ASAP2: variants seen among roughly 807,000 people sequenced by gnomAD.
The protein encoded by ASAP2 is ArfGAP with SH3 domain, ankyrin repeat and PH domain 2.
Under a neutral mutation model 131.4 loss-of-function variants are expected in ASAP2, and 45 were observed. That is an observed-to-expected ratio of 0.34 (90% confidence interval 0.27 to 0.44). The LOEUF (loss-of-function observed/expected upper bound fraction) is 0.44. Among genes scored for constraint, ASAP2 ranks in the 20% least tolerant of loss-of-function variants. ASAP2 has a pLI of 1.00. For missense variants in ASAP2, 1,011 were observed against 1,297.0 expected (o/e 0.78, Z 3.39); for synonymous variants, 510 against 503.0 (o/e 1.01, Z -0.19).
At chr2:9,294,747 A>G (rs992740752) in intron 2 of ASAP2, among the ~76,000 whole-genome samples, 1 of 152,174 alleles carries the variant, frequency 6.6e-6, no homozygotes, top group African/African-American at 2.4e-5. Context: ...GAGGCTGCAT[A>G]GAGTCTTCAG....
chr2:9,220,171 G>A (rs990109872), intron 1 of ASAP2, among the ~76,000 whole-genome samples: 22 of 152,112 alleles, frequency 1.4e-4, no homozygotes, highest in African/African-American at 4.6e-4. Flanking sequence ...GAATATTCTT[G>A]TATAAATTTT....
At chr2:9,294,981 A>G (rs545531812) in intron 2 of ASAP2, among the ~76,000 whole-genome samples, 11 of 152,296 alleles carry the variant, frequency 7.2e-5, no homozygotes, top group African/African-American at 1.7e-4. Context: ...CCTGAACCCA[A>G]TGAAACTAAA....
At chr2:9,292,457 G>A (rs1001742821) in intron 2 of ASAP2, among the ~76,000 whole-genome samples, 16 of 152,178 alleles carry the variant, frequency 1.1e-4, no homozygotes, top group African/African-American at 3.9e-4. Context: ...GTTGGAGGTT[G>A]CAGTGAGCCG....
chr2:9,380,622 A>G, intron 19 of ASAP2, 119 bp from the exon 20 acceptor site: 1 of 940,076 alleles, frequency 1.1e-6, no homozygotes, highest in South Asian at 1.3e-5. Context: ...TGTGGATTTC[A>G]TTAACCAGGC....
intron 1 of ASAP2, among the ~76,000 whole-genome samples, chr2:9,274,534 G>T (rs930012720): frequency 5.3e-5 from 8 of 152,124 alleles, no homozygotes; most frequent in African/African-American, 1.9e-4. Context: ...TGTTGTGCAG[G>T]CTGGTCTGGA....
At chr2:9,380,355 G>A (rs545009366) in intron 19 of ASAP2, among the ~76,000 whole-genome samples, 41 of 152,002 alleles carry the variant, frequency 2.7e-4, no homozygotes, top group Middle Eastern at 3.2e-3. Flanking sequence ...GTGCCACCAC[G>A]CCTGGCTAAT....
At chr2:9,388,160 A>C in intron 21 of ASAP2, 134 bp from the exon 22 acceptor site, 1 of 1,121,926 alleles carries the variant, frequency 8.9e-7, no homozygotes, top group South Asian at 1.6e-5. Flanking sequence ...GCTCTCAGGC[A>C]ACAGTTGAGA....
Position 9,281,084 on chromosome 2 carries a change from T to C in ASAP2, c.199+1695T>C, listed in dbSNP as rs993336050. ...AAGACTTCAGTGAGTCACTAAGAAA[T>C]GGTACGCCCAGTTTCATTGACAAGC... On this transcript the variant is annotated intron_variant, in intron 2 of 27. Transcript: ENST00000281419. The surrounding 1 kb of genome is among the most constrained non-coding windows in gnomAD (Gnocchi z 4.0). 6.6e-6 allele frequency among the ~76,000 whole-genome samples: 1 copy of C among 152,102 alleles called. No individual in the cohort carries two copies. The highest frequency in any genetic ancestry group is 2.4e-5 in the African/African-American group (1 of 41,420).
intron 1 of ASAP2, among the ~76,000 whole-genome samples, chr2:9,264,904 T>C (rs1267854305): frequency 6.6e-6 from 1 of 152,174 alleles, no homozygotes; most frequent in African/African-American, 2.4e-5. Flanking sequence ...TTTGGGAGGC[T>C]GAGACAGGGG....
Position 9,356,266 on chromosome 2 carries a change from C to T in ASAP2, c.1248C>T (p.Val416=). 5 of 1,614,028 alleles carry T rather than the reference C, an allele frequency of 3.1e-6. No individual in the cohort carries two copies. The highest frequency in any genetic ancestry group is 4.2e-6 in the Non-Finnish European group (5 of 1,179,972). ...ACAATACTGGAGAAAATAACATCGT[C>T]CAAGAACTGACAAAGGAGATCATCT... is the stretch of plus-strand genomic sequence containing the variant. ...GDDNTGENNI[V]QELTKEIISE... The change falls in exon 14 of 28, where the codon GTC becomes GTT. Residue 416 remains valine, a synonymous_variant. Coordinates refer to ENST00000281419, the MANE Select transcript of ASAP2 (RefSeq NM_003887.3).
At chr2:9,231,817 T>G (rs1663185967) in intron 1 of ASAP2, among the ~76,000 whole-genome samples, 1 of 152,222 alleles carries the variant, frequency 6.6e-6, no homozygotes, top group Non-Finnish European at 1.5e-5. Flanking sequence ...CTCTGTCACC[T>G]GGCAGCCTGG....
At chr2:9,309,956 G>A (rs567939472) in intron 3 of ASAP2, among the ~76,000 whole-genome samples, 15 of 152,320 alleles carry the variant, frequency 9.8e-5, no homozygotes, top group Admixed American at 3.9e-4. Flanking sequence ...GTTGTAGGCC[G>A]TGAGCTCTGG....
chr2:9,358,118 C>A (rs910819631), intron 14 of ASAP2, among the ~76,000 whole-genome samples: 1 of 152,166 alleles, frequency 6.6e-6, no homozygotes, highest in Non-Finnish European at 1.5e-5. Flanking sequence ...CCCTGGCGAC[C>A]TCGAGCCTGA....
At chr2:9,391,982 G>A (rs1317594866) in intron 23 of ASAP2, among the ~76,000 whole-genome samples, 1 of 152,142 alleles carries the variant, frequency 6.6e-6, no homozygotes, top group Non-Finnish European at 1.5e-5. Flanking sequence ...CTGGGTTCAA[G>A]GGATCCTCCT....
chr2:9,250,121 TA>T (rs1362378143), intron 1 of ASAP2, among the ~76,000 whole-genome samples: 4 of 152,208 alleles, frequency 2.6e-5, no homozygotes, highest in African/African-American at 9.6e-5. Flanking sequence ...TAGGGTTTCA[TA>T]AAGCTAAAAT....
At chr2:9,308,633 G>C (rs1291408901) in intron 3 of ASAP2, among the ~76,000 whole-genome samples, 1 of 152,176 alleles carries the variant, frequency 6.6e-6, no homozygotes, top group Non-Finnish European at 1.5e-5. Flanking sequence ...TGGCCTGGCA[G>C]GTGTAAACCA....
chr2:9,307,564 G>C (rs938360378), intron 3 of ASAP2, among the ~76,000 whole-genome samples: 3 of 152,214 alleles, frequency 2.0e-5, no homozygotes, highest in Non-Finnish European at 4.4e-5. Flanking sequence ...GCCTTCAGCT[G>C]GTGTCAGTGT....
At chr2:9,320,489 A>G (rs1670084331) in intron 5 of ASAP2, 152 bp downstream of exon 5, 5 of 615,984 alleles carry the variant, frequency 8.1e-6, no homozygotes, top group Non-Finnish European at 8.5e-6. Flanking sequence ...TTGATGACAG[A>G]TGTGTTTGGT....
chr2:9,350,300 T>C (rs976275239), intron 11 of ASAP2, among the ~76,000 whole-genome samples: 4 of 152,244 alleles, frequency 2.6e-5, no homozygotes, highest in Non-Finnish European at 5.9e-5. Flanking sequence ...GAGTCTGTTA[T>C]CTGTCACCAC....
Sources: gnomAD v4.1 joint callset for allele counts (sites outside exome capture counted in the v4.1 genomes callset) on GRCh38, gnomAD v4.1.1 for gene constraint, Gnocchi (gnomAD v3.1) non-coding constraint, MANE v1.5 for transcripts, NCBI Gene and HGNC (gene_info 2026-07-23, HGNC 2026-07-21) for gene names.